The following SHROOM3 variants were observed in gnomAD, a reference collection of about 807,000 sequenced individuals.
SHROOM3 encodes the protein protein Shroom3.
A neutral mutation model predicts 138.6 loss-of-function variants in SHROOM3; 47 were observed. The observed-to-expected ratio is 0.34, with a 90% CI of 0.27 to 0.43. The LOEUF is 0.43. Among genes scored for constraint, SHROOM3 ranks in the 20% least tolerant of loss-of-function variants. The pLI is 1.00. For missense variants in SHROOM3, 2,491 were observed against 2,596.5 expected (o/e 0.96, Z 0.88); for synonymous variants, 1,062 against 1,063.3 (o/e 1.00, Z 0.02).
At chr4:76,564,887 T>TC (rs1025722129) in intron 2 of SHROOM3, among the ~76,000 whole-genome samples, 2 of 152,004 alleles carry the variant, frequency 1.3e-5, no homozygotes, top group African/African-American at 4.8e-5. Context: ...CAAGGCTGGG[T>TC]GCGGTGGCTC....
chr4:76,568,252 G>A (rs1671525183), intron 2 of SHROOM3, among the ~76,000 whole-genome samples: 3 of 152,190 alleles, frequency 2.0e-5, no homozygotes, highest in African/African-American at 7.2e-5. Context: ...AGGGCCCTTG[G>A]ACAAGTTAAT....
intron 1 of SHROOM3, among the ~76,000 whole-genome samples, chr4:76,505,727 C>A (rs1579199990): frequency 6.8e-6 from 1 of 146,356 alleles, no homozygotes; most frequent in Admixed American, 7.0e-5. Flanking sequence ...GTGGCATGAT[C>A]ATAGCTCACT....
chr4:76,580,175 A>G (rs1409135097), intron 2 of SHROOM3, among the ~76,000 whole-genome samples: 2 of 152,084 alleles, frequency 1.3e-5, no homozygotes, highest in African/African-American at 4.8e-5. Context: ...TTGCTTGACA[A>G]CCTCTCTTGT....
chr4:76,606,980 C>T (rs145946033), intron 2 of SHROOM3, among the ~76,000 whole-genome samples: 1 of 151,994 alleles, frequency 6.6e-6, no homozygotes, highest in Non-Finnish European at 1.5e-5. Flanking sequence ...TCAAAAATGG[C>T]AGTGTGTTCA....
chr4:76,738,932 T>C lies in SHROOM3; in HGVS notation c.759T>C (p.His253=). 3 of 1,614,190 alleles carry C rather than the reference T, an allele frequency of 1.9e-6. No homozygotes were observed. The highest frequency in any genetic ancestry group is 2.2e-5 in the East Asian group (1 of 44,876). Residue 253 remains histidine (H), a synonymous_variant, in exon 5 of 11, where the codon CAT becomes CAC. Coordinates refer to ENST00000296043, the MANE Select transcript of SHROOM3 (RefSeq NM_020859.4). The part of the protein sequence containing the change: ...TGSIDQLSHF[H]NKRDSAYSSF... ...GCATTGACCAGCTCAGCCACTTCCA[T>C]AACAAGAGAGACTCGGCTTACAGCT...
chr4:76,491,696 A>G (rs1057475043), intron 1 of SHROOM3, among the ~76,000 whole-genome samples: 2 of 152,228 alleles, frequency 1.3e-5, no homozygotes, highest in African/African-American at 4.8e-5. Flanking sequence ...GAGCCCCTGA[A>G]ACAACACCAG....
chr4:76,727,618 G>A (rs1473237456), intron 3 of SHROOM3, among the ~76,000 whole-genome samples: 6 of 152,174 alleles, frequency 3.9e-5, no homozygotes, highest in African/African-American at 1.2e-4. Flanking sequence ...GGCCGGGCAC[G>A]GTGGCTCACG....
intron 1 of SHROOM3, among the ~76,000 whole-genome samples, chr4:76,459,276 G>A (rs1731092919): frequency 6.6e-6 from 1 of 152,144 alleles, no homozygotes. Context: ...GTGTAGAATT[G>A]TACAGTGAGA....
Position 76,739,632 on chromosome 4 carries a change from AGCAACGGTAT to A in SHROOM3, c.1462_1471del (p.Asn488SerfsTer12), listed in dbSNP as rs768984027. ...CCAGGTGCCTCAGCCTTCTGTGAGTAGCAACGGTATGCTCTACCCTGCACTGGCCAAGGAG... is the reference window on the plus strand; with the variant it reads ...CCAGGTGCCTCAGCCTTCTGTGAGTAGCTCTACCCTGCACTGGCCAAGGAG... On this transcript the variant is annotated frameshift_variant, in exon 5 of 11. Transcript: ENST00000296043. LOFTEE classifies it high-confidence loss of function. 6.2e-7 allele frequency: 1 copy of A among 1,614,172 alleles called. No homozygotes were observed. Among genetic ancestry groups the A allele is most frequent in the Non-Finnish European group, 8.5e-7 (1 of 1,180,038 alleles).
chr4:76,592,329 A>T (rs1025568510), intron 2 of SHROOM3, among the ~76,000 whole-genome samples: 1 of 152,228 alleles, frequency 6.6e-6, no homozygotes, highest in African/African-American at 2.4e-5. Context: ...TTCACAGAGC[A>T]GTTGTGAGCA....
intron 4 of SHROOM3, among the ~76,000 whole-genome samples, chr4:76,732,465 A>C (rs1259778636): frequency 6.6e-6 from 1 of 152,176 alleles, no homozygotes; most frequent in East Asian, 1.9e-4. Context: ...TCAGCATATC[A>C]GGGTAGGATT....
chr4:76,486,481 C>G (rs541603157), intron 1 of SHROOM3, among the ~76,000 whole-genome samples: 6 of 152,326 alleles, frequency 3.9e-5, no homozygotes, highest in Non-Finnish European at 5.9e-5. Flanking sequence ...ACCCTGTAGC[C>G]TGGCTGACCA....
At chr4:76,589,469 T>A (rs1161181274) in intron 2 of SHROOM3, among the ~76,000 whole-genome samples, 67 of 135,576 alleles carry the variant, frequency 4.9e-4, no homozygotes, top group Admixed American at 6.6e-4. Flanking sequence ...CTCTGTCTCA[T>A]AAAAAAAAAA....
chr4:76,534,868 A>G (rs1269863115), intron 1 of SHROOM3, among the ~76,000 whole-genome samples: 1 of 145,438 alleles, frequency 6.9e-6, no homozygotes, highest in Admixed American at 7.1e-5. Flanking sequence ...AACATGACAC[A>G]AGCTCTGCTG....
chr4:76,549,549 A>G (rs1733302588), intron 1 of SHROOM3, among the ~76,000 whole-genome samples: 1 of 152,046 alleles, frequency 6.6e-6, no homozygotes, highest in Admixed American at 6.6e-5. Context: ...TTGTAATTTT[A>G]GTAGAGACGG....
intron 1 of SHROOM3, among the ~76,000 whole-genome samples, chr4:76,468,311 C>A (rs944626138): frequency 2.6e-5 from 4 of 152,214 alleles, no homozygotes; most frequent in South Asian, 2.1e-4. Flanking sequence ...TACAAATTCA[C>A]ATTTTCTTTA....
At chr4:76,742,262 T>A (rs567061271) in intron 5 of SHROOM3, 5 of 361,258 alleles carry the variant, frequency 1.4e-5, no homozygotes, top group Admixed American at 8.1e-5. Context: ...TTTTTTTTTT[T>A]AATGGATTAG....
chr4:76,747,110 G>A (rs1317532561), intron 5 of SHROOM3, among the ~76,000 whole-genome samples: 6 of 151,998 alleles, frequency 3.9e-5, no homozygotes, highest in South Asian at 2.1e-4. Context: ...GAGCCACCGC[G>A]CCCGACCAAT....
At chr4:76,765,111 ATTT>A (rs34890356) in intron 9 of SHROOM3, among the ~76,000 whole-genome samples, 105 of 140,850 alleles carry the variant, frequency 7.5e-4, no homozygotes, top group African/African-American at 2.6e-3. Context: ...TCTGCCAGTG[ATTT>A]TTTTTTTTTT....
Sources: allele counts gnomAD v4.1 joint callset (sites outside exome capture counted in the v4.1 genomes callset), GRCh38; gene constraint gnomAD v4.1.1; transcripts MANE v1.5; gene names NCBI Gene and HGNC (gene_info 2026-07-23, HGNC 2026-07-21).